MAGI2: variants seen among roughly 807,000 people sequenced by gnomAD.
The protein encoded by MAGI2 is membrane-associated guanylate kinase, WW and PDZ domain-containing protein 2.
A neutral mutation model predicts 133.3 loss-of-function variants in MAGI2; 35 were observed. The ratio of observed to expected loss-of-function variants is 0.26; its 90% CI spans 0.20 to 0.35. MAGI2 has a LOEUF of 0.35. Ranked by LOEUF, MAGI2 falls within the 10% of genes least tolerant of loss-of-function variation. The pLI is 1.00. For synonymous variants in MAGI2, 729 were observed against 710.6 expected, an observed-to-expected ratio of 1.03 and a Z score of -0.41; for missense variants, 1,636 against 1,863.4, an observed-to-expected ratio of 0.88 and a Z score of 2.25.
chr7:78,852,639 A>G (rs1246102756), intron 2 of MAGI2, among the ~76,000 whole-genome samples: 1 of 152,154 alleles, frequency 6.6e-6, no homozygotes, highest in African/African-American at 2.4e-5. Context: ...ACACAACACT[A>G]ATCTACAAAG....
At chr7:78,977,413 CAGAG>C (rs139814304) in intron 2 of MAGI2, among the ~76,000 whole-genome samples, 15 of 144,784 alleles carry the variant, frequency 1.0e-4, no homozygotes, top group East Asian at 4.1e-4. Context: ...AAGAGAGCGA[CAGAG>C]AGAGAGAGAG....
At chr7:78,900,357 C>A (rs1336563013) in intron 2 of MAGI2, among the ~76,000 whole-genome samples, 1 of 152,132 alleles carries the variant, frequency 6.6e-6, no homozygotes, top group Non-Finnish European at 1.5e-5. Context: ...TATTCAAAGT[C>A]TCCCTACAAG....
chr7:78,112,711 C>A (rs1486457757), intron 20 of MAGI2, among the ~76,000 whole-genome samples: 1 of 152,310 alleles, frequency 6.6e-6, no homozygotes, highest in South Asian at 2.1e-4. Context: ...TTACTGAGTG[C>A]CCCAGGTACA....
chr7:79,248,684 T>C (rs556264607), intron 1 of MAGI2, among the ~76,000 whole-genome samples: 1 of 152,060 alleles, frequency 6.6e-6, no homozygotes, highest in South Asian at 2.1e-4. Context: ...CTGACCAGAA[T>C]AGAGTAAAAC....
At chr7:79,149,687 A>T (rs1279881901) in intron 1 of MAGI2, among the ~76,000 whole-genome samples, 1 of 152,154 alleles carries the variant, frequency 6.6e-6, no homozygotes, top group African/African-American at 2.4e-5. Flanking sequence ...GCCAAGATCC[A>T]GGGAACCTCA....
At chr7:78,958,513 A>ATG in intron 2 of MAGI2, among the ~76,000 whole-genome samples, 1 of 152,136 alleles carries the variant, frequency 6.6e-6, no homozygotes, top group Non-Finnish European at 1.5e-5. Context: ...AATTGTGAAA[A>ATG]TTATTTTTAG....
chr7:78,257,639 T>A (rs1368751191), intron 9 of MAGI2, among the ~76,000 whole-genome samples: 3 of 152,250 alleles, frequency 2.0e-5, no homozygotes, highest in African/African-American at 2.4e-5. Flanking sequence ...AATGTTTTTT[T>A]AAAAATTTCA....
At chr7:78,218,974 C>T (rs897240898) in intron 10 of MAGI2, among the ~76,000 whole-genome samples, 3 of 152,160 alleles carry the variant, frequency 2.0e-5, no homozygotes, top group Non-Finnish European at 2.9e-5. Flanking sequence ...CTACCTCCCA[C>T]GTGAAGGGGA....
intron 2 of MAGI2, among the ~76,000 whole-genome samples, chr7:78,710,287 A>C (rs915012878): frequency 6.6e-6 from 1 of 152,170 alleles, no homozygotes; most frequent in South Asian, 2.1e-4. Flanking sequence ...GACTAATGCT[A>C]ATTTTAAATC....
chr7:78,038,323 T>A (rs987966917), intron 21 of MAGI2, among the ~76,000 whole-genome samples: 1 of 152,228 alleles, frequency 6.6e-6, no homozygotes, highest in Non-Finnish European at 1.5e-5. Flanking sequence ...ATATGGCGTA[T>A]GTGTATATTT....
At chr7:78,873,808 G>A (rs1795215149) in intron 2 of MAGI2, among the ~76,000 whole-genome samples, 1 of 152,176 alleles carries the variant, frequency 6.6e-6, no homozygotes, top group East Asian at 1.9e-4. Context: ...TTTCTTTTGG[G>A]TGGGTGTGCA....
At chr7:79,266,989 G>A (rs545044917) in intron 1 of MAGI2, among the ~76,000 whole-genome samples, 1 of 152,250 alleles carries the variant, frequency 6.6e-6, no homozygotes, top group South Asian at 2.1e-4. Flanking sequence ...AGATAAGGGG[G>A]AACTGAGGAC....
At chr7:78,397,849 C>G (rs949594605) in intron 6 of MAGI2, among the ~76,000 whole-genome samples, 2 of 151,856 alleles carry the variant, frequency 1.3e-5, no homozygotes, top group African/African-American at 2.4e-5. Flanking sequence ...ACTAAGAAGC[C>G]TTAAAAAAAT....
At chr7:79,268,098 C>A (rs1266200980) in intron 1 of MAGI2, among the ~76,000 whole-genome samples, 1 of 152,136 alleles carries the variant, frequency 6.6e-6, no homozygotes, top group Non-Finnish European at 1.5e-5. Context: ...GATAAGAGAA[C>A]TTCAGAGACA....
intron 1 of MAGI2, among the ~76,000 whole-genome samples, chr7:79,091,318 G>A (rs930401427): frequency 6.6e-5 from 10 of 152,022 alleles, no homozygotes; most frequent in Non-Finnish European, 8.8e-5. Context: ...TCTATGAAAC[G>A]TCACACCAAG....
At position 78,595,209 on chromosome 7, in the gene MAGI2, C is replaced by T. The variant is rs80244309; in HGVS notation, c.538+31911G>A. Among the ~76,000 whole-genome samples the T allele has an allele frequency of 4.0e-3, 605 of 152,216 alleles. 4 individuals carry two copies. Among genetic ancestry groups the T allele is most frequent in the African/African-American group, 0.014 (567 of 41,526 alleles). ...TGCTAGAGACTTTGGACAAGATGTT[C>T]CACAACTTTCCTCTCCCAAATTGTT... On this transcript the variant is annotated intron_variant, in intron 3 of 21. Coordinates refer to ENST00000354212, the MANE Select transcript of MAGI2 (RefSeq NM_012301.4).
intron 7 of MAGI2, among the ~76,000 whole-genome samples, chr7:78,354,779 A>C (rs1182663402): frequency 6.6e-6 from 1 of 152,190 alleles, no homozygotes; most frequent in Non-Finnish European, 1.5e-5. Flanking sequence ...TTAAGAAAAA[A>C]ATACTTTTGA....
chr7:78,045,106 G>T (rs1811287674), intron 21 of MAGI2, among the ~76,000 whole-genome samples: 1 of 152,160 alleles, frequency 6.6e-6, no homozygotes, highest in Admixed American at 6.5e-5. Flanking sequence ...GGCAGAGGTT[G>T]CAGTGAGCCG....
At chr7:78,465,659 A>G (rs867196034) in intron 6 of MAGI2, among the ~76,000 whole-genome samples, 12 of 152,238 alleles carry the variant, frequency 7.9e-5, no homozygotes, top group African/African-American at 2.7e-4. Context: ...TGAAAAAGAA[A>G]TGGAATAACT....
Sources: gnomAD v4.1 joint callset for allele counts (sites outside exome capture counted in the v4.1 genomes callset) on GRCh38, gnomAD v4.1.1 for gene constraint, MANE v1.5 for transcripts, NCBI Gene and HGNC (gene_info 2026-07-23, HGNC 2026-07-21) for gene names.